ESR1: variants seen among roughly 807,000 people sequenced by gnomAD.
The protein encoded by ESR1 is estrogen receptor.
In ESR1, 12 loss-of-function variants were observed where a neutral mutation model predicts 52.7. The observed-to-expected ratio is 0.23, with a 90% CI of 0.15 to 0.37. The LOEUF (loss-of-function observed/expected upper bound fraction) is 0.37, where lower values mean the gene tolerates loss of function less well. Ranked by LOEUF, ESR1 falls within the 10% of genes least tolerant of loss-of-function variation. The probability of loss-of-function intolerance (pLI) is 1.00; values close to 1 mark genes in which losing one functional copy is unlikely to be tolerated. For missense variants in ESR1, 584 were observed against 779.7 expected, an observed-to-expected ratio of 0.75 and a Z score of 2.99; for synonymous variants, 305 against 316.8, an observed-to-expected ratio of 0.96 and a Z score of 0.39.
intron 1 of ESR1, among the ~76,000 whole-genome samples, chr6:151,836,295 A>G (rs1258039825): frequency 6.6e-6 from 1 of 152,218 alleles, no homozygotes; most frequent in Non-Finnish European, 1.5e-5. Context: ...AAGAGATTTA[A>G]TGGACTCACA....
At chr6:151,858,185 G>A (rs1788217676) in intron 2 of ESR1, among the ~76,000 whole-genome samples, 1 of 152,156 alleles carries the variant, frequency 6.6e-6, no homozygotes, top group Admixed American at 6.5e-5. Context: ...TGTGTCAGGT[G>A]GACATCAGGT....
chr6:151,797,365 C>G (rs1776810403), intron 2 of ESR1, among the ~76,000 whole-genome samples: 1 of 152,118 alleles, frequency 6.6e-6, no homozygotes, highest in Non-Finnish European at 1.5e-5. Flanking sequence ...CAGAAGGGGT[C>G]AAAGATCACA....
intron 2 of ESR1, among the ~76,000 whole-genome samples, chr6:151,709,498 C>T (rs781211939): frequency 1.8e-4 from 28 of 152,150 alleles, no homozygotes; most frequent in Non-Finnish European, 3.2e-4. Flanking sequence ...GGCATATACC[C>T]AGTAGTGGGA....
chr6:151,882,525 G>A (rs1163056479), intron 3 of ESR1, among the ~76,000 whole-genome samples: 9 of 152,164 alleles, frequency 5.9e-5, no homozygotes, highest in Non-Finnish European at 1.2e-4. Flanking sequence ...TACAAAATGC[G>A]TCTTAAGGTA....
chr6:151,857,489 CCACCCA>C (rs1168751001), intron 2 of ESR1, among the ~76,000 whole-genome samples: 1 of 145,650 alleles, frequency 6.9e-6, no homozygotes, highest in East Asian at 2.0e-4. Flanking sequence ...ACACACCCAC[CCACCCA>C]CACACACACA....
intron 1 of ESR1, among the ~76,000 whole-genome samples, chr6:151,695,668 C>T (rs851996): frequency 0.43 from 65,681 of 151,920 alleles, 14,687 homozygotes; most frequent in African/African-American, 0.51. Flanking sequence ...CCTTTTGGAA[C>T]GTTACTAAGG....
intron 4 of ESR1, among the ~76,000 whole-genome samples, chr6:151,949,234 C>T (rs2036057764): frequency 6.6e-6 from 1 of 152,168 alleles, no homozygotes; most frequent in Non-Finnish European, 1.5e-5. Flanking sequence ...ACTCTATCTG[C>T]AAGTGAGTTT....
intron 2 of ESR1, among the ~76,000 whole-genome samples, chr6:151,796,032 G>A (rs1197179804): frequency 1.3e-5 from 2 of 151,738 alleles, no homozygotes; most frequent in African/African-American, 2.4e-5. Flanking sequence ...CGGGCATGGT[G>A]GCGGGTGCCT....
intron 6 of ESR1, among the ~76,000 whole-genome samples, chr6:152,090,063 C>T (rs3778094): frequency 0.11 from 17,151 of 152,150 alleles, 1,214 homozygotes; most frequent in East Asian, 0.33. Flanking sequence ...AGTGCCACTC[C>T]CGGAACCACA....
chr6:152,037,233 G>C (rs1222222759), intron 5 of ESR1, among the ~76,000 whole-genome samples: 1 of 151,926 alleles, frequency 6.6e-6, no homozygotes, highest in East Asian at 1.9e-4. Context: ...AGGGAGAGAG[G>C]GGGAGAGAGT....
intron 2 of ESR1, among the ~76,000 whole-genome samples, chr6:151,739,767 C>T (rs1023545909): frequency 6.6e-6 from 1 of 152,216 alleles, no homozygotes; most frequent in African/African-American, 2.4e-5. Context: ...GGACTTCTGT[C>T]TTTACTGATA....
intron 2 of ESR1, among the ~76,000 whole-genome samples, chr6:151,796,814 A>G (rs1170488228): frequency 1.3e-5 from 2 of 152,214 alleles, no homozygotes; most frequent in Non-Finnish European, 2.9e-5. Context: ...CTGAAGGAAA[A>G]GTCTCCAGAA....
Position 152,099,961 on chromosome 6 carries a change from G to T in ESR1, c.*995G>T, listed in dbSNP as rs2050905111. 3 of 398,870 alleles carry T rather than the reference G, an allele frequency of 7.5e-6. No individual in the cohort carries two copies. Among genetic ancestry groups the T allele is most frequent in the Non-Finnish European group, 1.3e-5 (3 of 226,412 alleles). The allele number at this position is 398,870 out of a possible 1,614,324, so 24.7% of individuals were successfully genotyped here. A position where few individuals can be genotyped will look rare whatever the true frequency, so the allele number is the denominator to read the frequency against. ...TGAAAGGAGCAGGGGCCCTGGTGTT[G>T]CATTTAGCCCTGGGGCATGGAGCTG... On this transcript the variant is annotated 3_prime_UTR_variant, in exon 8 of 8. Coordinates refer to ENST00000206249, the MANE Select transcript of ESR1 (RefSeq NM_000125.4).
intron 2 of ESR1, among the ~76,000 whole-genome samples, chr6:151,770,037 A>AG (rs1418853350): frequency 3.3e-5 from 5 of 152,026 alleles, no homozygotes; most frequent in Non-Finnish European, 7.4e-5. Context: ...CAAAAAAAAA[A>AG]AAAAAGGGAT....
At chr6:151,946,100 T>C (rs576866156) in intron 4 of ESR1, among the ~76,000 whole-genome samples, 1 of 152,374 alleles carries the variant, frequency 6.6e-6, no homozygotes, top group African/African-American at 2.4e-5. Flanking sequence ...TGGAATCTAA[T>C]TGTAATATGG....
At chr6:152,011,931 G>C (rs1275983466) in intron 5 of ESR1, 137 bp downstream of exon 5, 7 of 903,332 alleles carry the variant, frequency 7.7e-6, no homozygotes, top group Non-Finnish European at 1.0e-5. Flanking sequence ...GAGTGCATTG[G>C]GGGTGATGAA....
chr6:152,098,305 C>T lies in ESR1; in HGVS notation c.1554-427C>T, dbSNP rs2050790480. On this transcript the variant is annotated intron_variant, in intron 7 of 7. Coordinates refer to ENST00000206249, the MANE Select transcript of ESR1 (RefSeq NM_000125.4). This position sits in a 1 kb window ranked among gnomAD's most constrained non-coding sequence, Gnocchi z 5.1. ...CAATGGAGCGTCTTGAACTGCTTTA[C>T]TCATTTAAAATACCCACTCCTGCTT... 6.6e-6 allele frequency among the ~76,000 whole-genome samples: 1 copy of T among 152,066 alleles called. No individual in the cohort carries two copies. The highest frequency in any genetic ancestry group is 1.5e-5 in the Non-Finnish European group (1 of 68,034).
In ESR1 at chr6:152,053,526, ATC is replaced by A. The variant is rs2046854895; in HGVS notation, c.1236-7457_1236-7456del. The stretch of plus-strand genomic sequence containing the variant: ...TCCCATTCTCTTTCTCTTTCTCTCA[ATC>A]TCTCTCTTCCTCTCTCTCTTATCCT... On this transcript the variant is annotated intron_variant, in intron 5 of 7. Coordinates refer to ENST00000206249, the MANE Select transcript of ESR1 (RefSeq NM_000125.4). This position sits in a 1 kb window ranked among gnomAD's most constrained non-coding sequence, Gnocchi z 4.1. Among the ~76,000 whole-genome samples, 1 of 138,044 alleles carries A rather than the reference ATC, an allele frequency of 7.2e-6. No homozygotes were observed. Among genetic ancestry groups the A allele is most frequent in the East Asian group, 2.1e-4 (1 of 4,724 alleles). 90.6% of individuals were successfully genotyped at this position (138,044 alleles called of 152,430 possible).
intron 3 of ESR1, among the ~76,000 whole-genome samples, chr6:151,899,882 G>A (rs908240098): frequency 4.6e-5 from 7 of 151,680 alleles, no homozygotes; most frequent in African/African-American, 7.3e-5. Flanking sequence ...ATGGGATGGC[G>A]GCTGGGCAGA....
Sources: gnomAD v4.1 joint callset for allele counts (sites outside exome capture counted in the v4.1 genomes callset) on GRCh38, gnomAD v4.1.1 for gene constraint, Gnocchi (gnomAD v3.1) non-coding constraint, MANE v1.5 for transcripts, NCBI Gene and HGNC (gene_info 2026-07-23, HGNC 2026-07-21) for gene names.